Variants in GGTLC1 observed in about 807,000 individuals in gnomAD.
GGTLC1 encodes the protein glutathione hydrolase light chain 1.
Under a neutral mutation model 19.5 loss-of-function variants are expected in GGTLC1, and 14 were observed. The ratio of observed to expected loss-of-function variants is 0.72; its 90% CI spans 0.47 to 1.12. GGTLC1 has a LOEUF of 1.12. Among genes scored for constraint, GGTLC1 ranks in the 50% most tolerant of loss-of-function variants. The probability of loss-of-function intolerance (pLI) is 0.00; values close to 1 mark genes in which losing one functional copy is unlikely to be tolerated. For synonymous variants in GGTLC1, 110 were observed against 124.2 expected, an observed-to-expected ratio of 0.89 and a Z score of 0.76; for missense variants, 304 against 309.2, an observed-to-expected ratio of 0.98 and a Z score of 0.13.
In GGTLC1 at chr20:23,986,209, G is replaced by A. The variant is rs369770828; in HGVS notation, c.177-6C>T. The A allele has an allele frequency of 2.1e-5, 34 of 1,605,378 alleles. 1 individual carries two copies. The highest frequency in any genetic ancestry group is 6.7e-5 in the Admixed American group (4 of 59,700). On this transcript the variant is annotated splice_polypyrimidine_tract_variant and splice_region_variant and intron_variant, in intron 2 of 5. Transcript: ENST00000335694. ...AGCGCACCTTGGAGCCAAAGCTATCGCCCAGCCAGGTCAGACAGTGCCCGA... is the reference window on the plus strand; with the variant it reads ...AGCGCACCTTGGAGCCAAAGCTATCACCCAGCCAGGTCAGACAGTGCCCGA...
At chr20:23,986,339 G>A in intron 2 of GGTLC1, 97 bp downstream of exon 2, 1 of 1,599,482 alleles carries the variant, frequency 6.3e-7, no homozygotes, top group South Asian at 1.1e-5. Flanking sequence ...TTCCCACCAG[G>A]AAAAGAGGTG....
intron 1 of GGTLC1, chr20:23,986,873 A>T: frequency 7.2e-7 from 1 of 1,398,186 alleles, no homozygotes. Context: ...TGCTGCATTC[A>T]ATCACTCATT....
chr20:23,985,978 C>G lies in GGTLC1; in HGVS notation c.305-4G>C, dbSNP rs200365253. 9.1e-4 allele frequency: 1,465 copies of G among 1,611,972 alleles called. 17 individuals carry two copies. Among genetic ancestry groups the G allele is most frequent in the Middle Eastern group, 3.8e-3 (17 of 4,462 alleles). ...ATGGACGAGAGCGGCTGCTTCCCTG[C>G]GGCCAATGGGAGAAGACAGGGATGC... On this transcript the variant is annotated splice_polypyrimidine_tract_variant and splice_region_variant and intron_variant, in intron 3 of 5. Transcript: ENST00000335694.
chr20:23,986,821 A>T, intron 1 of GGTLC1, 176 bp from the exon 2 acceptor site: 1 of 1,444,204 alleles, frequency 6.9e-7, no homozygotes, highest in East Asian at 2.5e-5. Context: ...CATTCCAGCA[A>T]CTCTGAATGT....
chr20:23,986,094 C>G lies in GGTLC1; in HGVS notation c.286G>C (p.Ala96Pro), dbSNP rs751263798. 10 of 1,564,138 alleles carry G rather than the reference C, an allele frequency of 6.4e-6. No individual in the cohort carries two copies. In the East Asian group the frequency reaches 2.2e-4, roughly 35 times the overall value. The change falls in exon 3 of 6, where the codon GCC becomes CCC. Residue 96 changes from alanine to proline, a missense_variant. Physicochemically the swap from Ala to Pro is conservative, Grantham distance 27. Transcript: ENST00000335694. Reference protein sequence around the residue: ...TNEFGVPPSPANFIQPGKQPL... With the variant: ...TNEFGVPPSPPNFIQPGKQPL... ...CCCATACCTGGCTGGATGAAATTGG[C>G]AGGTGAGGGGGGTACCCCAAACTCG...
intron 2 of GGTLC1, 71 bp downstream of exon 2, chr20:23,986,365 T>C: frequency 6.3e-7 from 1 of 1,599,566 alleles, no homozygotes; most frequent in South Asian, 1.1e-5. Flanking sequence ...GCCACCTTAC[T>C]GGATAAGTGG....
rs747666979 is a variant in GGTLC1, at chr20:23,986,406, T to C, written c.176+30A>G. On this transcript the variant is annotated intron_variant, in intron 2 of 5. Transcript: ENST00000335694. Reference sequence around the variant, plus strand: ...CCCTGAGCCACCCTCCCCTGGCCCTTTCCCACCCAGGCGGCCCAGCAGCCC... The same window carrying C: ...CCCTGAGCCACCCTCCCCTGGCCCTCTCCCACCCAGGCGGCCCAGCAGCCC... 202 of 1,609,548 alleles carry C rather than the reference T, an allele frequency of 1.3e-4. 1 individual carries two copies. Among genetic ancestry groups the C allele is most frequent in the Admixed American group, 4.0e-4 (24 of 59,648 alleles).
At position 23,986,199 on chromosome 20, in the gene GGTLC1, C is replaced by T. The variant is rs542769378; in HGVS notation, c.181G>A (p.Gly61Ser). The T allele has an allele frequency of 2.5e-6, 4 of 1,608,874 alleles. No individual in the cohort carries two copies. In the South Asian group the frequency reaches 4.5e-5, roughly 18 times the overall value. Residue 61 changes from glycine to serine, a missense_variant, in exon 3 of 6, where the codon GGC becomes AGC. By Grantham distance (56) the Gly-to-Ser change is moderately conservative (BLOSUM62 0). Transcript: ENST00000335694. Reference sequence around the variant, plus strand: ...CTGACTGGGGAGCGCACCTTGGAGCCAAAGCTATCGCCCAGCCAGGTCAGA... The same window carrying T: ...CTGACTGGGGAGCGCACCTTGGAGCTAAAGCTATCGCCCAGCCAGGTCAGA... ...SATSTINLYF[G>S]SKVRSPVSGI...
chr20:23,985,988 G>T lies in GGTLC1; in HGVS notation c.305-14C>A, dbSNP rs1429136725. Reference sequence around the variant, plus strand: ...GCGGCTGCTTCCCTGCGGCCAATGGGAGAAGACAGGGATGCCCGTCAGCTG... The same window carrying T: ...GCGGCTGCTTCCCTGCGGCCAATGGTAGAAGACAGGGATGCCCGTCAGCTG... On this transcript the variant is annotated splice_polypyrimidine_tract_variant and intron_variant, in intron 3 of 5. Coordinates refer to ENST00000335694, the MANE Select transcript of GGTLC1 (RefSeq NM_178311.3). 1.2e-6 allele frequency: 2 copies of T among 1,611,890 alleles called. No individual in the cohort carries two copies. Among genetic ancestry groups the T allele is most frequent in the African/African-American group, 2.7e-5 (2 of 74,842 alleles).
In GGTLC1 at chr20:23,985,777, T is replaced by C. The variant is rs1052456095; in HGVS notation, c.421A>G (p.Ile141Val). ...TAGCCGAACCAGAGGTTGTAGATGA[T>C]GGCCTGGGGCATGGGAGTGTGATCA... is the stretch of plus-strand genomic sequence containing the variant. ...TQITMATALA[I>V]IYNLWFGYDV... The change falls in exon 5 of 6, where the codon ATC becomes GTC. Residue 141 changes from isoleucine to valine, a missense_variant. Coordinates refer to ENST00000335694, the MANE Select transcript of GGTLC1 (RefSeq NM_178311.3). 6 of 1,611,896 alleles carry C rather than the reference T, an allele frequency of 3.7e-6. No individual in the cohort carries two copies. In the African/African-American group the frequency reaches 6.7e-5, roughly 18 times the overall value.
rs990641625 is a variant in GGTLC1 at position 23,985,135 on chromosome 20, C to T, written c.*81G>A. ...GCTGCTCTGCTGCTCACAGGAGAAGCCTGTCCCCCAAAGTCCTCTTCCTCG... is the reference window on the plus strand; with the variant it reads ...GCTGCTCTGCTGCTCACAGGAGAAGTCTGTCCCCCAAAGTCCTCTTCCTCG... On this transcript the variant is annotated 3_prime_UTR_variant, in exon 6 of 6. Transcript: ENST00000335694. 38 of 1,594,540 alleles carry T rather than the reference C, an allele frequency of 2.4e-5. No homozygotes were observed. The Admixed American group carries it at 6.1e-4, about 25-fold the overall frequency.
rs148565423 is a variant in GGTLC1, at chr20:23,986,615, G to A, written c.-4C>T. 1,584 of 1,609,270 alleles carry A rather than the reference G, an allele frequency of 9.8e-4. 9 individuals are homozygous for A. The African/African-American group carries it at 0.019, about 19-fold the overall frequency. On this transcript the variant is annotated 5_prime_UTR_variant, in exon 2 of 6. Transcript: ENST00000335694. ...CAGAGAAGAACTCGGAGGTCATGTC[G>A]CGGACCACCTGCCGAGACCCCAGAG...
chr20:23,987,692 G>A (rs1292037709), intron 1 of GGTLC1, among the ~76,000 whole-genome samples: 1 of 151,908 alleles, frequency 6.6e-6, no homozygotes, highest in Non-Finnish European at 1.5e-5. Context: ...GGTCAAGGAG[G>A]AGACAGAGAG....
chr20:23,985,944 G>A lies in GGTLC1; in HGVS notation c.335C>T (p.Thr112Met), dbSNP rs768850673. Reference protein sequence around the residue: ...GKQPLSSMCPTIMVGQDGQVR... With the variant: ...GKQPLSSMCPMIMVGQDGQVR... ...CTGGCCGTCCTGGCCCACCATGATC[G>A]TCGGGCACATGGACGAGAGCGGCTG... The change falls in exon 4 of 6, where the codon ACG (threonine) becomes ATG (methionine). Residue 112 changes from threonine (T) to methionine (M), a missense_variant. By Grantham distance (81) the Thr-to-Met change is moderately conservative. Coordinates refer to ENST00000335694, the MANE Select transcript of GGTLC1 (RefSeq NM_178311.3). 30 of 1,611,976 alleles carry A rather than the reference G, an allele frequency of 1.9e-5. 1 individual carries two copies. Among genetic ancestry groups the A allele is most frequent in the East Asian group, 1.8e-4 (8 of 44,868 alleles).
At position 23,986,474 on chromosome 20, in the gene GGTLC1, G is replaced by A. The variant is rs370253448; in HGVS notation, c.138C>T (p.Asp46=). Residue 46 remains aspartate, a synonymous_variant, in exon 2 of 6, where the codon GAC becomes GAT. Transcript: ENST00000335694. ...TGCTGGTGGCGGACACAGCACTGCCGTCCTCTGCGACCACAGACAGGTGAG... is the reference window on the plus strand; with the variant it reads ...TGCTGGTGGCGGACACAGCACTGCCATCCTCTGCGACCACAGACAGGTGAG... The part of the protein sequence containing the change: ...GTAHLSVVAE[D]GSAVSATSTI... The A allele has an allele frequency of 9.9e-5, 159 of 1,611,780 alleles. No homozygotes were observed. The highest frequency in any genetic ancestry group is 4.1e-4 in the South Asian group (37 of 90,976).
At position 23,985,742 on chromosome 20, in the gene GGTLC1, C is replaced by G. The variant is rs752526749; in HGVS notation, c.456G>C (p.Lys152Asn). 6.2e-7 allele frequency: 1 copy of G among 1,612,048 alleles called. No homozygotes were observed. The highest frequency in any genetic ancestry group is 1.1e-5 in the South Asian group (1 of 90,986). The change falls in exon 5 of 6, where the codon AAG becomes AAC. Residue 152 changes from lysine to asparagine, a missense_variant. Physicochemically the swap from Lys to Asn is moderately conservative, Grantham distance 94. Transcript: ENST00000335694. ...GCAGCCGGGGCTCCTCCACGGCCCA[C>G]TTCACGTCATAGCCGAACCAGAGGT... ...IYNLWFGYDV[K>N]WAVEEPRLHN...
Position 23,985,137 on chromosome 20 carries a change from T to C in GGTLC1, c.*79A>G, listed in dbSNP as rs2122379505. 6.3e-7 allele frequency: 1 copy of C among 1,598,260 alleles called. No individual in the cohort carries two copies. Among genetic ancestry groups the C allele is most frequent in the Non-Finnish European group, 8.5e-7 (1 of 1,171,780 alleles). ...TGCTCTGCTGCTCACAGGAGAAGCCTGTCCCCCAAAGTCCTCTTCCTCGTC... is the reference window on the plus strand; with the variant it reads ...TGCTCTGCTGCTCACAGGAGAAGCCCGTCCCCCAAAGTCCTCTTCCTCGTC... On this transcript the variant is annotated 3_prime_UTR_variant, in exon 6 of 6. Transcript: ENST00000335694.
At position 23,985,923 on chromosome 20, in the gene GGTLC1, C is replaced by T. The variant is rs1249152047; in HGVS notation, c.356G>A (p.Gly119Asp). ...AGCTCCCACCACCATCCGGACCTGG[C>T]CGTCCTGGCCCACCATGATCGTCGG... is the stretch of plus-strand genomic sequence containing the variant. The part of the protein sequence containing the change: ...MCPTIMVGQD[G>D]QVRMVVGAAG... The change falls in exon 4 of 6, where the codon GGC (glycine) becomes GAC (aspartate). Residue 119 changes from glycine (G) to aspartate (D), a missense_variant. Coordinates refer to ENST00000335694, the MANE Select transcript of GGTLC1 (RefSeq NM_178311.3). The T allele has an allele frequency of 1.9e-6, 3 of 1,611,898 alleles. No homozygotes were observed. The highest frequency in any genetic ancestry group is 2.7e-5 in the African/African-American group (2 of 74,866).
chr20:23,985,467 G>C, intron 5 of GGTLC1, 105 bp from the exon 6 acceptor site: 1 of 1,606,118 alleles, frequency 6.2e-7, no homozygotes, highest in Non-Finnish European at 8.5e-7. Context: ...TTTCAGGCCA[G>C]GTCATCAGGA....
Sources: allele counts gnomAD v4.1 joint callset (sites outside exome capture counted in the v4.1 genomes callset), GRCh38; gene constraint gnomAD v4.1.1; transcripts MANE v1.5; gene names NCBI Gene and HGNC (gene_info 2026-07-23, HGNC 2026-07-21).